The following GRM7 variants were observed in gnomAD, a reference collection of about 807,000 sequenced individuals.
GRM7 encodes the protein metabotropic glutamate receptor 7.
GRM7 carries 35 observed loss-of-function variants against 84.5 expected under a neutral mutation model. That is an observed-to-expected ratio of 0.41 (90% CI 0.32 to 0.55). The LOEUF (loss-of-function observed/expected upper bound fraction) is 0.55. Ranked by LOEUF, GRM7 falls within the 20% of genes least tolerant of loss-of-function variation. GRM7 has a pLI of 0.19. For missense variants in GRM7, 1,003 were observed against 1,194.6 expected, an observed-to-expected ratio of 0.84 and a Z score of 2.36; for synonymous variants, 487 against 455.1, an observed-to-expected ratio of 1.07 and a Z score of -0.89.
At chr3:7,451,081 A>G (rs1054596270) in intron 5 of GRM7, among the ~76,000 whole-genome samples, 11 of 152,226 alleles carry the variant, frequency 7.2e-5, no homozygotes, top group Non-Finnish European at 1.3e-4. Context: ...TCTTCACTAC[A>G]CAAATGTGCC....
intron 2 of GRM7, among the ~76,000 whole-genome samples, chr3:7,203,978 C>T (rs186305518): frequency 1.3e-5 from 2 of 152,232 alleles, no homozygotes; most frequent in Admixed American, 1.3e-4. Context: ...GGTTTTTTAA[C>T]ATCTAGAGGA....
chr3:7,192,449 G>T (rs183542869), intron 2 of GRM7, among the ~76,000 whole-genome samples: 41 of 152,260 alleles, frequency 2.7e-4, no homozygotes, highest in African/African-American at 9.1e-4. Context: ...TCCCCCAGAA[G>T]TTGGTTGACC....
intron 4 of GRM7, among the ~76,000 whole-genome samples, chr3:7,412,356 C>T (rs1268525555): frequency 2.0e-5 from 3 of 149,400 alleles, no homozygotes; most frequent in African/African-American, 4.8e-5. Flanking sequence ...TCTGTTAGCT[C>T]CCATTATCCT....
intron 8 of GRM7, among the ~76,000 whole-genome samples, chr3:7,678,242 A>G (rs1700218207): frequency 6.6e-6 from 1 of 152,242 alleles, no homozygotes; most frequent in Non-Finnish European, 1.5e-5. Context: ...ACATATGTGT[A>G]CACACATACA....
chr3:6,938,197 C>A (rs533695334), intron 1 of GRM7, among the ~76,000 whole-genome samples: 1 of 152,300 alleles, frequency 6.6e-6, no homozygotes, highest in African/African-American at 2.4e-5. Context: ...CTTCATTCAC[C>A]ATTTTGAACT....
At chr3:7,363,169 A>G (rs1232115368) in intron 4 of GRM7, among the ~76,000 whole-genome samples, 1 of 151,454 alleles carries the variant, frequency 6.6e-6, no homozygotes, top group Non-Finnish European at 1.5e-5. Flanking sequence ...TTGAAATAAA[A>G]TATATAAATA....
At chr3:6,872,564 C>G (rs1009695872) in intron 1 of GRM7, among the ~76,000 whole-genome samples, 2 of 152,090 alleles carry the variant, frequency 1.3e-5, no homozygotes, top group African/African-American at 4.8e-5. Flanking sequence ...CTGCACCCAT[C>G]AACTCTTCAT....
intron 2 of GRM7, among the ~76,000 whole-genome samples, chr3:7,221,802 G>GTTTTTTTTTTTTTTTTT (rs1696810655): frequency 8.3e-6 from 1 of 120,280 alleles, no homozygotes; most frequent in Non-Finnish European, 1.7e-5. Flanking sequence ...TTAATTTCTT[G>GTTTTTTTTTTTTTTTTT]TATTTTTTTT....
intron 4 of GRM7, among the ~76,000 whole-genome samples, chr3:7,386,229 A>C (rs1324735911): frequency 1.3e-5 from 2 of 152,202 alleles, no homozygotes; most frequent in Non-Finnish European, 2.9e-5. Context: ...TTATACCAGC[A>C]ACTAAATTGT....
intron 2 of GRM7, among the ~76,000 whole-genome samples, chr3:7,179,983 G>T (rs373226435): frequency 6.6e-6 from 1 of 152,060 alleles, no homozygotes; most frequent in African/African-American, 2.4e-5. Context: ...AGTTAGAAAC[G>T]CTTTAAACTG....
intron 4 of GRM7, among the ~76,000 whole-genome samples, chr3:7,362,772 A>G (rs1693722227): frequency 6.6e-6 from 1 of 152,122 alleles, no homozygotes; most frequent in Non-Finnish European, 1.5e-5. Flanking sequence ...TATCAGTCCT[A>G]CTGCCTGATA....
chr3:6,919,721 TTAGGGTTTTAA>T (rs1697061113), intron 1 of GRM7, among the ~76,000 whole-genome samples: 1 of 152,058 alleles, frequency 6.6e-6, no homozygotes, highest in Admixed American at 6.6e-5. Flanking sequence ...ATCATCAACT[TTAGGGTTTTAA>T]TATGGATAAA....
intron 7 of GRM7, among the ~76,000 whole-genome samples, chr3:7,530,921 C>T (rs944956346): frequency 6.6e-6 from 1 of 151,964 alleles, no homozygotes; most frequent in African/African-American, 2.4e-5. Context: ...ATGATAGTTT[C>T]TTCTGCTGTG....
In GRM7 at chr3:6,861,416, G is replaced by T. The variant is rs761149154; in HGVS notation, c.28G>T (p.Val10Phe). 3.1e-6 allele frequency: 5 copies of T among 1,596,084 alleles called. No individual in the cohort carries two copies. Among genetic ancestry groups the T allele is most frequent in the Non-Finnish European group, 4.3e-6 (5 of 1,173,372 alleles). Reference sequence around the variant, plus strand: ...GGTCCAGCTGAGGAAGCTGCTCCGCGTCCTGACTTTGATGAAGTTCCCCTG... The same window carrying T: ...GGTCCAGCTGAGGAAGCTGCTCCGCTTCCTGACTTTGATGAAGTTCCCCTG... MVQLRKLLR[V>F]LTLMKFPCCV... Residue 10 changes from valine (V) to phenylalanine (F), a missense_variant, in exon 1 of 10, where the codon GTC (valine) becomes TTC (phenylalanine). Physicochemically the swap from Val to Phe is conservative, Grantham distance 50. Transcript: ENST00000357716. This position sits in a 1 kb window ranked among gnomAD's most constrained non-coding sequence, Gnocchi z 6.4.
intron 4 of GRM7, among the ~76,000 whole-genome samples, chr3:7,345,763 T>A (rs916397061): frequency 3.9e-5 from 6 of 152,062 alleles, no homozygotes; most frequent in Non-Finnish European, 8.8e-5. Context: ...TTTTCATTCC[T>A]GTAGTCTTTG....
chr3:7,237,542 T>A (rs976144748), intron 2 of GRM7, among the ~76,000 whole-genome samples: 2 of 152,056 alleles, frequency 1.3e-5, no homozygotes, highest in African/African-American at 4.8e-5. Flanking sequence ...TGAAGTTTGT[T>A]CCTTCTGATA....
chr3:7,311,498 G>A (rs1285141668), intron 4 of GRM7, among the ~76,000 whole-genome samples: 1 of 152,100 alleles, frequency 6.6e-6, no homozygotes, highest in Non-Finnish European at 1.5e-5. Flanking sequence ...CCCATGTAAA[G>A]TCTTCTGTGG....
intron 4 of GRM7, among the ~76,000 whole-genome samples, chr3:7,361,026 T>C (rs1392933953): frequency 1.3e-5 from 2 of 152,076 alleles, no homozygotes; most frequent in African/African-American, 4.8e-5. Flanking sequence ...CCAAAAATTA[T>C]CTCCTAAAAA....
intron 7 of GRM7, among the ~76,000 whole-genome samples, chr3:7,464,846 A>T (rs1698397421): frequency 1.3e-5 from 2 of 150,474 alleles, no homozygotes; most frequent in South Asian, 2.1e-4. Context: ...AAAAAAAAAA[A>T]TTAACTGAGC....
Sources: gnomAD v4.1 joint callset for allele counts (sites outside exome capture counted in the v4.1 genomes callset) on GRCh38, gnomAD v4.1.1 for gene constraint, Gnocchi (gnomAD v3.1) non-coding constraint, MANE v1.5 for transcripts, NCBI Gene and HGNC (gene_info 2026-07-23, HGNC 2026-07-21) for gene names.